The following KCNK10 variants were observed in gnomAD, a reference collection of about 807,000 sequenced individuals.
KCNK10 encodes the protein potassium two pore domain channel subfamily K member 10.
Under a neutral mutation model 47.7 loss-of-function variants are expected in KCNK10, and 25 were observed. The ratio of observed to expected loss-of-function variants is 0.52; its 90% CI spans 0.38 to 0.73. KCNK10 has a LOEUF of 0.73. Among genes scored for constraint, KCNK10 ranks in the 30% least tolerant of loss-of-function variants. KCNK10 has a pLI of 0.00. For missense variants in KCNK10, 563 were observed against 714.5 expected (o/e 0.79, Z 2.42); for synonymous variants, 303 against 285.6 (o/e 1.06, Z -0.61).
intron 1 of KCNK10, among the ~76,000 whole-genome samples, chr14:88,286,536 C>T (rs998422959): frequency 7.9e-5 from 12 of 152,102 alleles, no homozygotes; most frequent in African/African-American, 2.9e-4. Context: ...TGTTATAACA[C>T]ATTGTATTAG....
chr14:88,204,846 G>A (rs1885215486), intron 4 of KCNK10, among the ~76,000 whole-genome samples: 1 of 152,224 alleles, frequency 6.6e-6, no homozygotes, highest in African/African-American at 2.4e-5. Flanking sequence ...AACATCCCAT[G>A]CCAGAGTAGT....
chr14:88,248,110 C>T (rs2139899962), intron 2 of KCNK10, among the ~76,000 whole-genome samples: 1 of 152,244 alleles, frequency 6.6e-6, no homozygotes, highest in South Asian at 2.1e-4. Context: ...TTGCCCTGGT[C>T]CTGAGGAGAG....
intron 3 of KCNK10, among the ~76,000 whole-genome samples, chr14:88,230,689 T>A (rs1030558388): frequency 4.6e-5 from 7 of 152,098 alleles, no homozygotes; most frequent in Admixed American, 3.3e-4. Flanking sequence ...TGTGCTTGGT[T>A]TAATGCTCTA....
chr14:88,298,886 T>A lies in KCNK10; in HGVS notation c.52+23861A>T, dbSNP rs973020783. ...TCACCACCAAACAACGGAGACTTGC[T>A]CTTCTCCTCACAGGTGCCTCAGTTT... On this transcript the variant is annotated intron_variant, in intron 1 of 6. Transcript: ENST00000319231. Among the ~76,000 whole-genome samples the A allele has an allele frequency of 7.2e-5, 11 of 152,220 alleles. No homozygotes were observed. The East Asian group carries it at 1.9e-3, about 27-fold the overall frequency.
intron 4 of KCNK10, among the ~76,000 whole-genome samples, chr14:88,202,790 C>CG: frequency 1.2e-5 from 1 of 83,100 alleles, no homozygotes; most frequent in South Asian, 3.8e-4. Flanking sequence ...CTTCCGGTTG[C>CG]GGGGGGTGGG....
Position 88,263,412 on chromosome 14 carries a change from G to T in KCNK10, c.192C>A (p.Ser64=), listed in dbSNP as rs1235533235. The T allele has an allele frequency of 6.2e-7, 1 of 1,614,134 alleles. No individual in the cohort carries two copies. Residue 64 remains serine, a synonymous_variant, in exon 2 of 7, where the codon TCC becomes TCA. Coordinates refer to ENST00000319231, the MANE Select transcript of KCNK10 (RefSeq NM_138317.3). The part of the protein sequence containing the change: ...ATVVARMEGT[S]QGGLQTVMKW... The stretch of plus-strand genomic sequence containing the variant: ...TCATGACGGTCTGCAAGCCCCCTTG[G>T]GAGGTGCCTTCCATCCTGGCTACCA...
rs190878778 is a variant in KCNK10, at chr14:88,240,982, A to G, written c.403-162T>C. Among the ~76,000 whole-genome samples the G allele has an allele frequency of 1.7e-3, 254 of 152,296 alleles. 3 individuals carry two copies. Among genetic ancestry groups the G allele is most frequent in the Non-Finnish European group, 2.3e-3 (159 of 68,026 alleles). On this transcript the variant is annotated intron_variant, in intron 2 of 6. Coordinates refer to ENST00000319231, the MANE Select transcript of KCNK10 (RefSeq NM_138317.3). ...GATGATGGTAGCATCCCAAAGCAAA[A>G]TACTATGCACCCAGTTGTGAAAATC...
chr14:88,268,045 G>A lies in KCNK10; in HGVS notation c.53-4494C>T, dbSNP rs10141584. On this transcript the variant is annotated intron_variant, in intron 1 of 6. Coordinates refer to ENST00000319231, the MANE Select transcript of KCNK10 (RefSeq NM_138317.3). ...GTGCATGGATTTTATTAGGGGGAAC[G>A]CATGTGTGAGAGAAAATGATAGGGA... Among the ~76,000 whole-genome samples the A allele has an allele frequency of 6.0e-3, 916 of 152,282 alleles. 11 individuals are homozygous for A. Among genetic ancestry groups the A allele is most frequent in the African/African-American group, 0.021 (877 of 41,554 alleles).
intron 4 of KCNK10, among the ~76,000 whole-genome samples, chr14:88,206,307 G>A (rs1885274122): frequency 1.3e-5 from 2 of 152,126 alleles, no homozygotes; most frequent in Non-Finnish European, 2.9e-5. Context: ...GTACTGGGAG[G>A]AGGTCAAAGA....
intron 1 of KCNK10, among the ~76,000 whole-genome samples, chr14:88,281,303 T>G (rs2139772696): frequency 6.6e-6 from 1 of 152,320 alleles, no homozygotes; most frequent in Middle Eastern, 3.4e-3. Flanking sequence ...ATAGTTCATT[T>G]TATGTGACAA....
At chr14:88,194,319 TCC>T (rs1326181214) in intron 4 of KCNK10, among the ~76,000 whole-genome samples, 1 of 152,202 alleles carries the variant, frequency 6.6e-6, no homozygotes, top group Non-Finnish European at 1.5e-5. Context: ...CCTCTGAGAA[TCC>T]AGGAACTTAC....
intron 4 of KCNK10, among the ~76,000 whole-genome samples, chr14:88,216,920 G>A (rs996374436): frequency 4.6e-5 from 7 of 152,188 alleles, no homozygotes; most frequent in African/African-American, 1.7e-4. Context: ...AGTTTGGGAG[G>A]CCAAGGTGGG....
At chr14:88,261,915 G>A (rs1025853201) in intron 2 of KCNK10, among the ~76,000 whole-genome samples, 1 of 152,102 alleles carries the variant, frequency 6.6e-6, no homozygotes, top group East Asian at 1.9e-4. Context: ...CTCCCAGGAA[G>A]GGAAGAATTT....
chr14:88,286,022 T>A (rs1382773738), intron 1 of KCNK10, among the ~76,000 whole-genome samples: 1 of 152,184 alleles, frequency 6.6e-6, no homozygotes, highest in South Asian at 2.1e-4. Context: ...AGGATCCAGC[T>A]GCCACACTGT....
chr14:88,276,047 T>C (rs1445778377), intron 1 of KCNK10, among the ~76,000 whole-genome samples: 1 of 152,096 alleles, frequency 6.6e-6, no homozygotes, highest in African/African-American at 2.4e-5. Context: ...CAGCTGAGTC[T>C]CCCTATGGCC....
At chr14:88,275,612 G>A (rs1469082047) in intron 1 of KCNK10, among the ~76,000 whole-genome samples, 2 of 151,034 alleles carry the variant, frequency 1.3e-5, no homozygotes, top group African/African-American at 2.4e-5. Flanking sequence ...ACTTTGTGAG[G>A]CCGAGGCAGG....
chr14:88,230,432 C>A (rs950420639), intron 3 of KCNK10, among the ~76,000 whole-genome samples: 2 of 152,186 alleles, frequency 1.3e-5, no homozygotes, highest in African/African-American at 4.8e-5. Flanking sequence ...GAAAAGAGTT[C>A]CCCGTTTTTC....
intron 3 of KCNK10, among the ~76,000 whole-genome samples, chr14:88,229,541 C>T (rs1886096691): frequency 6.6e-6 from 1 of 151,908 alleles, no homozygotes; most frequent in African/African-American, 2.4e-5. Context: ...GACTAGAACA[C>T]AAAAATAATA....
At position 88,260,742 on chromosome 14, in the gene KCNK10, C is replaced by T. The variant is rs546248026; in HGVS notation, c.402+2460G>A. On this transcript the variant is annotated intron_variant, in intron 2 of 6. Coordinates refer to ENST00000319231, the MANE Select transcript of KCNK10 (RefSeq NM_138317.3). The surrounding 1 kb of genome is among the most constrained non-coding windows in gnomAD (Gnocchi z 4.5). ...AATGAGATAATGGGTATATGATGCC[C>T]AGCTCATAACAGATGCCTAATAAAG... Among the ~76,000 whole-genome samples the T allele has an allele frequency of 6.6e-6, 1 of 152,282 alleles. No homozygotes were observed. The highest frequency in any genetic ancestry group is 6.5e-5 in the Admixed American group (1 of 15,292).
Sources: gnomAD v4.1 joint callset for allele counts (sites outside exome capture counted in the v4.1 genomes callset) on GRCh38, gnomAD v4.1.1 for gene constraint, Gnocchi (gnomAD v3.1) non-coding constraint, MANE v1.5 for transcripts, NCBI Gene and HGNC (gene_info 2026-07-23, HGNC 2026-07-21) for gene names.